NRG3: variants seen among roughly 807,000 people sequenced by gnomAD.
NRG3 encodes pro-neuregulin-3, membrane-bound isoform.
In NRG3, 31 loss-of-function variants were observed where a neutral mutation model predicts 66.9. That is an observed-to-expected ratio of 0.46 (90% CI 0.35 to 0.63). The LOEUF (loss-of-function observed/expected upper bound fraction) is 0.63, where lower values mean the gene tolerates loss of function less well. NRG3 is among the 20% of genes least tolerant of loss of function. NRG3 has a pLI of 0.00. For missense variants in NRG3, 910 were observed against 878.9 expected, an observed-to-expected ratio of 1.04 and a Z score of -0.45; for synonymous variants, 393 against 359.4, an observed-to-expected ratio of 1.09 and a Z score of -1.06.
At chr10:82,376,760 G>A (rs193219400) in intron 2 of NRG3, among the ~76,000 whole-genome samples, 52 of 152,296 alleles carry the variant, frequency 3.4e-4, no homozygotes, top group Admixed American at 8.5e-4. Flanking sequence ...ATGGCTGCAT[G>A]TTTACAAGCT....
At chr10:82,168,864 C>T (rs2072322795) in intron 1 of NRG3, among the ~76,000 whole-genome samples, 1 of 152,116 alleles carries the variant, frequency 6.6e-6, no homozygotes, top group Non-Finnish European at 1.5e-5. Flanking sequence ...AATTGAGTTT[C>T]CATCAATTTT....
intron 1 of NRG3, among the ~76,000 whole-genome samples, chr10:82,285,300 T>G (rs2079356105): frequency 6.6e-6 from 1 of 152,168 alleles, no homozygotes; most frequent in Non-Finnish European, 1.5e-5. Context: ...AAAGACAACA[T>G]GGCTCTTCTG....
intron 1 of NRG3, among the ~76,000 whole-genome samples, chr10:82,322,734 G>C (rs2081642721): frequency 6.6e-6 from 1 of 152,172 alleles, no homozygotes; most frequent in Non-Finnish European, 1.5e-5. Context: ...TTGTGACTCA[G>C]TAAGGAAGGC....
chr10:82,470,345 C>G (rs1388257917), intron 2 of NRG3, among the ~76,000 whole-genome samples: 2 of 152,210 alleles, frequency 1.3e-5, no homozygotes, highest in Non-Finnish European at 2.9e-5. Flanking sequence ...TAACTTCACA[C>G]AAGTGGCTGA....
chr10:82,039,797 G>A (rs2062949929), intron 1 of NRG3, among the ~76,000 whole-genome samples: 1 of 152,072 alleles, frequency 6.6e-6, no homozygotes. Flanking sequence ...TCAGGTCTAA[G>A]TATTCTCTCT....
intron 2 of NRG3, among the ~76,000 whole-genome samples, chr10:82,391,987 C>A: frequency 1.0e-5 from 1 of 98,326 alleles, no homozygotes; most frequent in Admixed American, 1.5e-4. Flanking sequence ...CTCTTTCGAG[C>A]ACATGCAAAA....
intron 2 of NRG3, among the ~76,000 whole-genome samples, chr10:82,386,727 C>A (rs1297466302): frequency 2.6e-5 from 4 of 152,134 alleles, no homozygotes; most frequent in Non-Finnish European, 5.9e-5. Context: ...CAAATTACTT[C>A]TTGGAGGCTG....
intron 2 of NRG3, among the ~76,000 whole-genome samples, chr10:82,631,695 C>T (rs1022686950): frequency 6.6e-6 from 1 of 151,828 alleles, no homozygotes; most frequent in Admixed American, 6.6e-5. Context: ...TAGCCCCATG[C>T]AGCCTCTGAT....
chr10:82,886,324 C>A (rs1330517776), intron 4 of NRG3, among the ~76,000 whole-genome samples: 1 of 152,148 alleles, frequency 6.6e-6, no homozygotes, highest in Non-Finnish European at 1.5e-5. Context: ...CACTTCCTTT[C>A]TTTATTTGGA....
rs953702188 is a variant in NRG3 at position 82,495,607 on chromosome 10, G to A, written c.953+136739G>A. ...ACGCCTAGCAGACAACATAGACTTT[G>A]TGGAATATCCTTCTTCCACAACTTA... On this transcript the variant is annotated intron_variant, in intron 2 of 8. Transcript: ENST00000372141. Among the ~76,000 whole-genome samples, 4 of 152,052 alleles carry A rather than the reference G, an allele frequency of 2.6e-5. No homozygotes were observed. The East Asian group carries it at 7.7e-4, about 29-fold the overall frequency.
chr10:82,580,546 A>C lies in NRG3; in HGVS notation c.954-158031A>C, dbSNP rs530680898. ...CTTGAAAATCTTCTGTCTTTCATCT[A>C]TTCATCCCTCCATCCTCCCCTGGTT... is the stretch of plus-strand genomic sequence containing the variant. On this transcript the variant is annotated intron_variant, in intron 2 of 8. Transcript: ENST00000372141. Among the ~76,000 whole-genome samples, 3 of 152,062 alleles carry C rather than the reference A, an allele frequency of 2.0e-5. No individual in the cohort carries two copies. In the South Asian group the frequency reaches 6.2e-4, roughly 31 times the overall value.
At chr10:81,972,234 T>C (rs139360191) in intron 1 of NRG3, among the ~76,000 whole-genome samples, 6 of 152,272 alleles carry the variant, frequency 3.9e-5, no homozygotes, top group Non-Finnish European at 8.8e-5. Context: ...TTAAAGAATA[T>C]CTATAGGAAT....
intron 2 of NRG3, among the ~76,000 whole-genome samples, chr10:82,600,882 C>T (rs1249781511): frequency 6.6e-6 from 1 of 151,844 alleles, no homozygotes; most frequent in Non-Finnish European, 1.5e-5. Flanking sequence ...TCTACTGATC[C>T]CATCACCAAT....
intron 1 of NRG3, among the ~76,000 whole-genome samples, chr10:82,336,447 T>G (rs938094059): frequency 6.6e-6 from 1 of 152,176 alleles, no homozygotes; most frequent in Non-Finnish European, 1.5e-5. Context: ...TAAATTGGAA[T>G]TTCTGTTAAA....
intron 1 of NRG3, among the ~76,000 whole-genome samples, chr10:81,962,312 C>G (rs1276379113): frequency 6.6e-6 from 1 of 152,172 alleles, no homozygotes; most frequent in Non-Finnish European, 1.5e-5. Flanking sequence ...AGAAGCCAGT[C>G]AACACATTTA....
At chr10:82,262,679 T>C (rs2078092180) in intron 1 of NRG3, among the ~76,000 whole-genome samples, 1 of 152,206 alleles carries the variant, frequency 6.6e-6, no homozygotes. Context: ...TTAATAAATA[T>C]GGTGTCACAG....
chr10:82,408,570 C>T (rs1280144374), intron 2 of NRG3, among the ~76,000 whole-genome samples: 1 of 150,744 alleles, frequency 6.6e-6, no homozygotes, highest in African/African-American at 2.4e-5. Flanking sequence ...TCTTGATGAA[C>T]GTTTCAAGAA....
intron 2 of NRG3, among the ~76,000 whole-genome samples, chr10:82,640,695 A>G (rs1337020019): frequency 6.6e-6 from 1 of 152,200 alleles, no homozygotes; most frequent in Non-Finnish European, 1.5e-5. Context: ...TATAATTATT[A>G]TTAAAAAATT....
chr10:82,457,643 C>T (rs943301928), intron 2 of NRG3, among the ~76,000 whole-genome samples: 11 of 152,162 alleles, frequency 7.2e-5, no homozygotes, highest in East Asian at 3.9e-4. Context: ...CCAAACTCCA[C>T]GGTGAAACAA....
Sources: allele counts gnomAD v4.1 joint callset (sites outside exome capture counted in the v4.1 genomes callset), GRCh38; gene constraint gnomAD v4.1.1; transcripts MANE v1.5; gene names NCBI Gene and HGNC (gene_info 2026-07-23, HGNC 2026-07-21).